CDH13: variants seen among roughly 807,000 people sequenced by gnomAD.
The protein encoded by CDH13 is cadherin-13.
Under a neutral mutation model 63.8 loss-of-function variants are expected in CDH13, and 24 were observed. The ratio of observed to expected loss-of-function variants is 0.38; its 90% CI spans 0.27 to 0.53. The LOEUF is 0.53. Among genes scored for constraint, CDH13 ranks in the 20% least tolerant of loss-of-function variants. The pLI is 0.85. For synonymous variants in CDH13, 503 were observed against 355.3 expected, an observed-to-expected ratio of 1.42 and a Z score of -4.67; for missense variants, 1,049 against 903.1, an observed-to-expected ratio of 1.16 and a Z score of -2.07.
chr16:83,301,418 G>A (rs563042581), intron 5 of CDH13, among the ~76,000 whole-genome samples: 17 of 152,106 alleles, frequency 1.1e-4, no homozygotes, highest in African/African-American at 4.1e-4. Flanking sequence ...AGGCTGTGCC[G>A]TGCTGGTTTT....
chr16:83,409,593 G>A (rs1451668653), intron 6 of CDH13, among the ~76,000 whole-genome samples: 1 of 152,220 alleles, frequency 6.6e-6, no homozygotes, highest in African/African-American at 2.4e-5. Flanking sequence ...GATCTGTTGA[G>A]TAATCTACCC....
intron 8 of CDH13, among the ~76,000 whole-genome samples, chr16:83,629,159 C>G (rs959416564): frequency 6.6e-6 from 1 of 152,108 alleles, no homozygotes; most frequent in African/African-American, 2.4e-5. Flanking sequence ...CGAGAAACAC[C>G]AAGTTCAAGG....
chr16:83,246,616 C>T (rs1905021758), intron 5 of CDH13, among the ~76,000 whole-genome samples: 1 of 152,104 alleles, frequency 6.6e-6, no homozygotes, highest in Non-Finnish European at 1.5e-5. Flanking sequence ...AATATTTCTT[C>T]TTTGGTTGCA....
chr16:83,323,222 C>CTTTT lies in CDH13; in HGVS notation c.637-21637_637-21636insTTTT, dbSNP rs1567591280. 1.4e-3 allele frequency among the ~76,000 whole-genome samples: 194 copies of CTTTT among 142,594 alleles called. 3 individuals are homozygous for CTTTT. The highest frequency in any genetic ancestry group is 4.9e-3 in the African/African-American group (188 of 38,198). 93.5% of individuals were successfully genotyped at this position (142,594 alleles called of 152,430 possible). ...TCTTTCTTTCTTTCTTTCTTTCTTT[C>CTTTT]TTTCTTTCTTTCTTTCTTTCCTTCC... On this transcript the variant is annotated intron_variant, in intron 5 of 13. Coordinates refer to ENST00000567109, the MANE Select transcript of CDH13 (RefSeq NM_001257.5).
chr16:82,826,297 A>G (rs2151104068), intron 1 of CDH13: 1 of 152,328 alleles, frequency 6.6e-6, no homozygotes, highest in South Asian at 2.1e-4. Context: ...CTGCTTGAGA[A>G]TTGCAGTGGC....
chr16:83,429,032 C>G (rs554579347), intron 6 of CDH13, among the ~76,000 whole-genome samples: 20 of 152,340 alleles, frequency 1.3e-4, no homozygotes, highest in Admixed American at 3.9e-4. Context: ...CTTTTCTTGT[C>G]TTGATAAGAC....
chr16:83,445,625 C>T (rs1352494137), intron 6 of CDH13, among the ~76,000 whole-genome samples: 1 of 152,148 alleles, frequency 6.6e-6, no homozygotes, highest in Non-Finnish European at 1.5e-5. Flanking sequence ...ATTTTGTTAG[C>T]GATAAAGACC....
chr16:83,054,032 G>T (rs2030665761), intron 3 of CDH13, among the ~76,000 whole-genome samples: 1 of 152,106 alleles, frequency 6.6e-6, no homozygotes, highest in Admixed American at 6.6e-5. Context: ...AAATACCATT[G>T]TGTTACAACT....
chr16:82,831,513 G>A (rs2038539250), intron 1 of CDH13, among the ~76,000 whole-genome samples: 2 of 152,112 alleles, frequency 1.3e-5, no homozygotes, highest in African/African-American at 4.8e-5. Context: ...AAGCAGCAAA[G>A]GAAACAACTC....
intron 7 of CDH13, among the ~76,000 whole-genome samples, chr16:83,504,690 C>T (rs1415441074): frequency 1.3e-5 from 2 of 152,330 alleles, no homozygotes; most frequent in African/African-American, 2.4e-5. Context: ...CAACACTAGA[C>T]ATCCAGACAG....
intron 6 of CDH13, among the ~76,000 whole-genome samples, chr16:83,376,190 A>G (rs1453258606): frequency 6.6e-6 from 1 of 152,186 alleles, no homozygotes; most frequent in African/African-American, 2.4e-5. Context: ...GCCCTTCATA[A>G]AAGTATTGTT....
intron 11 of CDH13, among the ~76,000 whole-genome samples, chr16:83,752,677 A>G (rs1445325711): frequency 1.3e-5 from 2 of 152,228 alleles, no homozygotes; most frequent in African/African-American, 4.8e-5. Flanking sequence ...ATACACCTGT[A>G]TGAACTGTCT....
chr16:83,660,453 A>C lies in CDH13; in HGVS notation c.1102-10337A>C, dbSNP rs577599408. ...CTAATGCCACCACTGATCTGACAGG[A>C]GGTGGAGCTCAGGTGGTAATATGAG... On this transcript the variant is annotated intron_variant, in intron 8 of 13. Coordinates refer to ENST00000567109, the MANE Select transcript of CDH13 (RefSeq NM_001257.5). Among the ~76,000 whole-genome samples, 6 of 152,278 alleles carry C rather than the reference A, an allele frequency of 3.9e-5. No individual in the cohort carries two copies. In the East Asian group the frequency reaches 1.2e-3, roughly 29 times the overall value.
At chr16:83,745,384 C>T (rs1912480525) in intron 10 of CDH13, among the ~76,000 whole-genome samples, 1 of 152,164 alleles carries the variant, frequency 6.6e-6, no homozygotes. Flanking sequence ...ACCCAGACCG[C>T]CTCTGTGTGA....
intron 11 of CDH13, among the ~76,000 whole-genome samples, chr16:83,771,513 C>T (rs1282720829): frequency 1.3e-5 from 2 of 152,324 alleles, no homozygotes; most frequent in East Asian, 3.9e-4. Flanking sequence ...AAGACCGTGG[C>T]AGGGTGCCAA....
In CDH13 at chr16:83,037,927, T is replaced by C. The variant is rs571002866; in HGVS notation, c.366+5709T>C. ...GACATCAAGGGACAGTTCCCATCAA[T>C]GGTATAATTTTGGAACCTCAGGAGG... On this transcript the variant is annotated intron_variant, in intron 3 of 13. Transcript: ENST00000567109. 2.0e-5 allele frequency among the ~76,000 whole-genome samples: 3 copies of C among 152,224 alleles called. No individual in the cohort carries two copies. The East Asian group carries it at 5.8e-4, about 29-fold the overall frequency.
At chr16:83,568,968 C>A (rs1004528926) in intron 7 of CDH13, among the ~76,000 whole-genome samples, 1 of 152,094 alleles carries the variant, frequency 6.6e-6, no homozygotes, top group Non-Finnish European at 1.5e-5. Context: ...TTTTCTGAAA[C>A]ACTCTCCTCT....
chr16:82,748,543 T>G (rs754776535), intron 1 of CDH13, among the ~76,000 whole-genome samples: 18 of 152,126 alleles, frequency 1.2e-4, no homozygotes, highest in Non-Finnish European at 2.6e-4. Flanking sequence ...TGTGGTGGTT[T>G]TGTGTTTTAA....
At chr16:82,809,862 A>G (rs1053482635) in intron 1 of CDH13, among the ~76,000 whole-genome samples, 14 of 152,300 alleles carry the variant, frequency 9.2e-5, no homozygotes, top group African/African-American at 3.4e-4. Flanking sequence ...GTGGATTAGA[A>G]CAATTTACAG....
Sources: allele counts gnomAD v4.1 joint callset (sites outside exome capture counted in the v4.1 genomes callset), GRCh38; gene constraint gnomAD v4.1.1; transcripts MANE v1.5; gene names NCBI Gene and HGNC (gene_info 2026-07-23, HGNC 2026-07-21).